RCL1: variants seen among roughly 807,000 people sequenced by gnomAD.
RCL1 encodes RNA terminal phosphate cyclase like 1, also known as RNA 3'-terminal phosphate cyclase-like protein.
A neutral mutation model predicts 42.4 loss-of-function variants in RCL1; 24 were observed. The ratio of observed to expected loss-of-function variants is 0.57; its 90% confidence interval spans 0.41 to 0.80. RCL1 has a LOEUF of 0.80. RCL1 is among the 30% of genes least tolerant of loss of function. The probability of loss-of-function intolerance (pLI) is 0.00; values close to 1 mark genes in which losing one functional copy is unlikely to be tolerated. For missense variants in RCL1, 578 were observed against 467.9 expected, an observed-to-expected ratio of 1.24 and a Z score of -2.17; for synonymous variants, 228 against 177.3, an observed-to-expected ratio of 1.29 and a Z score of -2.27.
chr9:4,816,876 GC>G (rs1484089274), intron 1 of RCL1, among the ~76,000 whole-genome samples: 1 of 152,152 alleles, frequency 6.6e-6, no homozygotes, highest in East Asian at 1.9e-4. Flanking sequence ...GAGTGCAGTG[GC>G]GCGATCTCGG....
At chr9:4,828,041 C>A (rs1454056548) in intron 3 of RCL1, among the ~76,000 whole-genome samples, 1 of 151,896 alleles carries the variant, frequency 6.6e-6, no homozygotes, top group African/African-American at 2.4e-5. Context: ...AAAAAATTAG[C>A]CAGGCATGGT....
At chr9:4,841,617 A>G (rs1817332777) in intron 6 of RCL1, among the ~76,000 whole-genome samples, 1 of 152,196 alleles carries the variant, frequency 6.6e-6, no homozygotes, top group South Asian at 2.1e-4. Flanking sequence ...CTATTAATAC[A>G]CAATGCTTTA....
intron 5 of RCL1, chr9:4,836,633 C>T (rs1264970609): frequency 6.6e-6 from 1 of 151,280 alleles, no homozygotes; most frequent in South Asian, 2.1e-4. Context: ...GACCAGAAAG[C>T]CTGCTTGTCA....
chr9:4,805,373 A>G (rs1815889270), intron 1 of RCL1, among the ~76,000 whole-genome samples: 1 of 149,100 alleles, frequency 6.7e-6, no homozygotes, highest in Non-Finnish European at 1.5e-5. Context: ...TGGGTCTTCC[A>G]GCCTGTCTCT....
chr9:4,849,651 C>T, intron 8 of RCL1, 101 bp downstream of exon 8: 1 of 775,782 alleles, frequency 1.3e-6, no homozygotes, highest in Non-Finnish European at 2.2e-6. Flanking sequence ...GCACTATGAA[C>T]ACCTGCTTGT....
At chr9:4,824,328 C>G (rs1034908386) in intron 2 of RCL1, among the ~76,000 whole-genome samples, 1 of 151,092 alleles carries the variant, frequency 6.6e-6, no homozygotes, top group African/African-American at 2.4e-5. Context: ...TTGCATAATT[C>G]AGACCATCAG....
chr9:4,836,928 G>C (rs1309474931), intron 5 of RCL1, among the ~76,000 whole-genome samples: 2 of 152,102 alleles, frequency 1.3e-5, no homozygotes, highest in East Asian at 3.9e-4. Flanking sequence ...GTTATGGTCT[G>C]TTCTCTGCAT....
chr9:4,815,224 C>A (rs1349367472), intron 1 of RCL1, among the ~76,000 whole-genome samples: 1 of 148,520 alleles, frequency 6.7e-6, no homozygotes, highest in Non-Finnish European at 1.5e-5. Flanking sequence ...TTTTTCTCCT[C>A]CTGGAACTTT....
rs927078948 is a variant in RCL1 at position 4,853,105 on chromosome 9, C to T, written c.971+3555C>T. On this transcript the variant is annotated intron_variant, in intron 8 of 8. Coordinates refer to ENST00000381750, the MANE Select transcript of RCL1 (RefSeq NM_005772.5). ...TAAACAACACCGTGTTTACTGTGTG[C>T]AAGATGTTGTTTTAAGCACTCAGAC... Among the ~76,000 whole-genome samples the T allele has an allele frequency of 2.2e-4, 33 of 152,034 alleles. 1 individual carries two copies. The highest frequency in any genetic ancestry group is 7.3e-4 in the African/African-American group (30 of 41,370).
intron 1 of RCL1, among the ~76,000 whole-genome samples, chr9:4,816,272 C>G (rs1014839171): frequency 2.0e-5 from 3 of 152,216 alleles, no homozygotes; most frequent in African/African-American, 7.2e-5. Flanking sequence ...TTATTCCACT[C>G]TGACTTGTCT....
At chr9:4,794,563 A>C (rs909979549) in intron 1 of RCL1, among the ~76,000 whole-genome samples, 14 of 152,098 alleles carry the variant, frequency 9.2e-5, no homozygotes, top group African/African-American at 3.1e-4. Context: ...CTTTACCCTC[A>C]GGTTAGCTCA....
chr9:4,807,901 C>T (rs57191056), intron 1 of RCL1, among the ~76,000 whole-genome samples: 4,014 of 152,084 alleles, frequency 0.026, 148 homozygotes, highest in African/African-American at 0.088. Context: ...CATTCCATTA[C>T]GGTCAGAAAA....
At chr9:4,817,631 G>A (rs1478171620) in intron 1 of RCL1, among the ~76,000 whole-genome samples, 1 of 151,746 alleles carries the variant, frequency 6.6e-6, no homozygotes, top group African/African-American at 2.4e-5. Context: ...GCTGGGACTG[G>A]GGCTACTGGT....
chr9:4,849,616 A>C (rs1817650816), intron 8 of RCL1, 66 bp downstream of exon 8: 1 of 1,212,192 alleles, frequency 8.2e-7, no homozygotes, highest in Non-Finnish European at 1.2e-6. Context: ...CAAAATGACA[A>C]AGGGTGTTGT....
At chr9:4,851,767 T>C (rs1240730130) in intron 8 of RCL1, among the ~76,000 whole-genome samples, 5 of 151,950 alleles carry the variant, frequency 3.3e-5, no homozygotes, top group Non-Finnish European at 7.4e-5. Flanking sequence ...TTCAAGCAGT[T>C]TGGACCTGTT....
chr9:4,805,230 CA>C (rs1467004731), intron 1 of RCL1, among the ~76,000 whole-genome samples: 2 of 152,102 alleles, frequency 1.3e-5, no homozygotes, highest in African/African-American at 4.8e-5. Context: ...AAAAAACAAA[CA>C]AAACCAAAAA....
chr9:4,860,299 A>T lies in RCL1; in HGVS notation c.*24A>T, dbSNP rs760441767. ...GATAACCATCACAAGATAAGGCCCC[A>T]ATGCCTACAGACAAAGCAGAAGCTG... On this transcript the variant is annotated 3_prime_UTR_variant, in exon 9 of 9. Transcript: ENST00000381750. 11 of 1,610,190 alleles carry T rather than the reference A, an allele frequency of 6.8e-6. No individual in the cohort carries two copies.
intron 1 of RCL1, among the ~76,000 whole-genome samples, chr9:4,808,830 G>A (rs10815086): frequency 0.32 from 47,915 of 152,014 alleles, 7,882 homozygotes; most frequent in South Asian, 0.41. Context: ...ATCTAGAAAA[G>A]TTTGAAGATA....
In RCL1 at chr9:4,793,163, C is replaced by G. The variant is rs1347490373; in HGVS notation, c.72C>G (p.Thr24=). The change falls in exon 1 of 9, where the codon ACC becomes ACG. Residue 24 remains threonine, a synonymous_variant. Transcript: ENST00000381750. ...NFLRQRLVLS[T]LSGRPVKIRK... is the part of the protein sequence containing the mutation. Reference sequence around the variant, plus strand: ...TGCGCCAACGTCTGGTCCTGTCTACCCTGAGCGGGCGCCCCGTCAAAATCC... The same window carrying G: ...TGCGCCAACGTCTGGTCCTGTCTACGCTGAGCGGGCGCCCCGTCAAAATCC... 1.2e-6 allele frequency: 2 copies of G among 1,611,740 alleles called. No individual in the cohort carries two copies. Among genetic ancestry groups the G allele is most frequent in the African/African-American group, 2.7e-5 (2 of 74,750 alleles).
Sources: allele counts gnomAD v4.1 joint callset (sites outside exome capture counted in the v4.1 genomes callset), GRCh38; gene constraint gnomAD v4.1.1; transcripts MANE v1.5; gene names NCBI Gene and HGNC (gene_info 2026-07-23, HGNC 2026-07-21).